The following VEGFD variants were observed in gnomAD, a reference collection of about 807,000 sequenced individuals.
VEGFD encodes the protein c-fos induced growth factor (vascular endothelial growth factor D).
In VEGFD, 26 loss-of-function variants were observed where a neutral mutation model predicts 28.0. That is an observed-to-expected ratio of 0.93 (90% confidence interval 0.68 to 1.29). The LOEUF (loss-of-function observed/expected upper bound fraction) is 1.29. Ranked by LOEUF, VEGFD falls within the 50% of genes most tolerant of loss-of-function variation. VEGFD has a pLI of 0.00. For synonymous variants in VEGFD, 93 were observed against 95.5 expected, an observed-to-expected ratio of 0.97 and a Z score of 0.15; for missense variants, 294 against 273.4, an observed-to-expected ratio of 1.08 and a Z score of -0.53.
At chrX:15,375,254 A>G (rs1923408761) in intron 1 of VEGFD, among the ~76,000 whole-genome samples, 1 of 112,337 alleles carries the variant, frequency 8.9e-6, no homozygotes, top group Non-Finnish European at 1.9e-5. Flanking sequence ...GTATTTTCAG[A>G]TAGAAGATGA....
rs1922539924 is a variant in VEGFD, at chrX:15,346,127, G to A, written c.*6C>T. The A allele has an allele frequency of 5.0e-6, 6 of 1,208,253 alleles. No individual in the cohort carries two copies. The highest frequency in any genetic ancestry group is 4.4e-5 in the Admixed American group (2 of 45,302). On this transcript the variant is annotated 3_prime_UTR_variant, in exon 7 of 7. Coordinates refer to ENST00000297904, the MANE Select transcript of VEGFD (RefSeq NM_004469.5). ...ATGACAGGGATGGGGAACTTGGAAC[G>A]CTGAATCAAGGATTCTTTCGGCTGT... is the stretch of plus-strand genomic sequence containing the variant.
chrX:15,347,146 ACAACT>A lies in VEGFD; in HGVS notation c.938+13_938+17del. 8.4e-7 allele frequency: 1 copy of A among 1,192,332 alleles called. No individual in the cohort carries two copies. Among genetic ancestry groups the A allele is most frequent in the Non-Finnish European group, 1.1e-6 (1 of 882,605 alleles). ...GTTAAATGTCATGAGTAAAGGCAAG[ACAACT>A]CAAGGCATTTACCTGCAGGTGTCTG... On this transcript the variant is annotated intron_variant, in intron 6 of 6. Transcript: ENST00000297904.
chrX:15,363,081 G>A, intron 2 of VEGFD, 28 bp downstream of exon 2: 1 of 1,185,297 alleles, frequency 8.4e-7, no homozygotes, highest in Non-Finnish European at 1.1e-6. Flanking sequence ...TAAAGAGAAA[G>A]AATTTGTCTC....
chrX:15,362,548 C>A (rs1170715509), intron 2 of VEGFD, among the ~76,000 whole-genome samples: 1 of 110,865 alleles, frequency 9.0e-6, no homozygotes, highest in Non-Finnish European at 1.9e-5. Flanking sequence ...TCCCAAGTAG[C>A]TGGGAATACA....
At chrX:15,383,782 T>C in intron 1 of VEGFD, 75 bp downstream of exon 1, 2 of 748,426 alleles carry the variant, frequency 2.7e-6, no homozygotes, top group East Asian at 3.2e-5. Flanking sequence ...GTTTCAAAAA[T>C]AGTGAGGGCA....
In VEGFD at chrX:15,347,240, A is replaced by G. The variant is rs1922576344; in HGVS notation, c.862T>C (p.Cys288Arg). 1 of 1,210,057 alleles carries G rather than the reference A, an allele frequency of 8.3e-7. No homozygotes were observed. The highest frequency in any genetic ancestry group is 1.7e-5 in the African/African-American group (1 of 57,246). Residue 288 changes from cysteine to arginine, a missense_variant, in exon 6 of 7, where the codon TGC (cysteine) becomes CGC (arginine). Coordinates refer to ENST00000297904, the MANE Select transcript of VEGFD (RefSeq NM_004469.5). Reference protein sequence around the residue: ...PKDLIQHPKNCSCFECKESLE... With the variant: ...PKDLIQHPKNRSCFECKESLE... ...CTTTCTTTGCACTCAAAGCAACTGC[A>G]GTTTTTGGGGTGCTGGATTAGATCT...
chrX:15,382,746 A>T (rs1385812878), intron 1 of VEGFD, among the ~76,000 whole-genome samples: 1 of 111,373 alleles, frequency 9.0e-6, no homozygotes, highest in Non-Finnish European at 1.9e-5. Flanking sequence ...TTGAGAAGTT[A>T]GAAAAGTGCT....
chrX:15,364,016 A>G (rs760222594), intron 1 of VEGFD, among the ~76,000 whole-genome samples: 93 of 111,967 alleles, frequency 8.3e-4, no homozygotes, highest in Non-Finnish European at 1.6e-3. Context: ...CAGCCATAGG[A>G]AACGAAAAGA....
intron 6 of VEGFD, 135 bp downstream of exon 6, chrX:15,347,029 T>C (rs891644243): frequency 3.7e-6 from 2 of 537,067 alleles, no homozygotes; most frequent in African/African-American, 4.7e-5. Context: ...CCTTAGCTGC[T>C]AAACCTCTGT....
At chrX:15,365,526 A>G (rs1923125909) in intron 1 of VEGFD, among the ~76,000 whole-genome samples, 1 of 112,070 alleles carries the variant, frequency 8.9e-6, no homozygotes, top group African/African-American at 3.2e-5. Flanking sequence ...ATCAAGTTGT[A>G]TTGACACACA....
At chrX:15,353,815 T>C (rs757421031) in intron 4 of VEGFD, among the ~76,000 whole-genome samples, 2 of 111,715 alleles carry the variant, frequency 1.8e-5, no homozygotes, top group Non-Finnish European at 1.9e-5. Flanking sequence ...ATTCTGTAAT[T>C]ATAAATATTC....
chrX:15,371,210 T>C (rs764252854), intron 1 of VEGFD, among the ~76,000 whole-genome samples: 2 of 112,038 alleles, frequency 1.8e-5, no homozygotes, highest in African/African-American at 3.2e-5. Context: ...TAGCAATCTA[T>C]AAAGTGCACC....
At chrX:15,371,795 T>C (rs1375753330) in intron 1 of VEGFD, among the ~76,000 whole-genome samples, 2 of 112,446 alleles carry the variant, frequency 1.8e-5, no homozygotes, top group Non-Finnish European at 3.8e-5. Context: ...AGTAGCGCCA[T>C]TGAACCTGGG....
intron 1 of VEGFD, among the ~76,000 whole-genome samples, chrX:15,364,836 T>C (rs915270231): frequency 5.4e-5 from 6 of 111,973 alleles, no homozygotes; most frequent in African/African-American, 1.9e-4. Flanking sequence ...TTGGGTAGTG[T>C]GATGTACACT....
intron 5 of VEGFD, among the ~76,000 whole-genome samples, chrX:15,347,685 T>C (rs1922589389): frequency 8.9e-6 from 1 of 112,158 alleles, no homozygotes; most frequent in Non-Finnish European, 1.9e-5. Flanking sequence ...TAATAAAATA[T>C]AGGATGTCTA....
At chrX:15,350,760 CTTTCT>C (rs1922673216) in intron 5 of VEGFD, among the ~76,000 whole-genome samples, 1 of 98,898 alleles carries the variant, frequency 1.0e-5, no homozygotes, top group Non-Finnish European at 2.0e-5. Context: ...CTTTCTTTTT[CTTTCT>C]TTTCTTTCTT....
intron 2 of VEGFD, among the ~76,000 whole-genome samples, 192 bp from the exon 3 acceptor site, chrX:15,358,385 T>G (rs964003737): frequency 8.9e-6 from 1 of 111,998 alleles, no homozygotes; most frequent in Non-Finnish European, 1.9e-5. Flanking sequence ...CTCTGTGCTC[T>G]TTCCCATTTA....
intron 1 of VEGFD, among the ~76,000 whole-genome samples, chrX:15,371,434 C>CT (rs1923306733): frequency 8.9e-6 from 1 of 111,801 alleles, no homozygotes; most frequent in Non-Finnish European, 1.9e-5. Flanking sequence ...AAGTAATTTT[C>CT]TTTTTTCTTT....
At chrX:15,361,576 G>T (rs1265157217) in intron 2 of VEGFD, among the ~76,000 whole-genome samples, 3 of 111,809 alleles carry the variant, frequency 2.7e-5, no homozygotes, top group African/African-American at 9.8e-5. Context: ...TTACAAATGG[G>T]AAAAAACAAA....
Sources: gnomAD v4.1 joint callset for allele counts (sites outside exome capture counted in the v4.1 genomes callset) on GRCh38, gnomAD v4.1.1 for gene constraint, MANE v1.5 for transcripts, NCBI Gene and HGNC (gene_info 2026-07-23, HGNC 2026-07-21) for gene names.